The following ZEB2 variants were observed in gnomAD, a reference collection of about 807,000 sequenced individuals.
ZEB2 encodes zinc finger E-box binding homeobox 2, also known as zinc finger E-box-binding homeobox 2.
A neutral mutation model predicts 99.9 loss-of-function variants in ZEB2; 6 were observed. The ratio of observed to expected loss-of-function variants is 0.06; its 90% CI spans 0.03 to 0.12. The LOEUF is 0.12. Ranked by LOEUF, ZEB2 falls within the 10% of genes least tolerant of loss-of-function variation. ZEB2 has a pLI of 1.00. For missense variants in ZEB2, 969 were observed against 1,502.8 expected (o/e 0.64, Z 5.87); for synonymous variants, 517 against 542.5 (o/e 0.95, Z 0.65).
chr2:144,411,669 C>T (rs972904161), intron 4 of ZEB2, among the ~76,000 whole-genome samples: 2 of 152,328 alleles, frequency 1.3e-5, no homozygotes, highest in East Asian at 1.9e-4. Flanking sequence ...GTTTTCTGCT[C>T]TTCCTGGGAA....
At chr2:144,413,943 GTTC>G (rs1051450324) in intron 4 of ZEB2, among the ~76,000 whole-genome samples, 4 of 152,204 alleles carry the variant, frequency 2.6e-5, no homozygotes, top group African/African-American at 7.2e-5. Context: ...AGTAAAAAAA[GTTC>G]TTCTTTCCCC....
At chr2:144,397,577 C>T (rs1465823926) in intron 8 of ZEB2, among the ~76,000 whole-genome samples, 1 of 152,160 alleles carries the variant, frequency 6.6e-6, no homozygotes, top group East Asian at 1.9e-4. Flanking sequence ...ATAAACCATT[C>T]TCTGTAAAAC....
intron 5 of ZEB2, 35 bp from the exon 6 acceptor site, chr2:144,404,165 C>T: frequency 6.2e-7 from 1 of 1,609,810 alleles, no homozygotes; most frequent in Non-Finnish European, 8.5e-7. Flanking sequence ...GAGAAGCGGG[C>T]CAAAAGGTCA....
chr2:144,468,201 T>G (rs1349148374), intron 2 of ZEB2, among the ~76,000 whole-genome samples: 1 of 152,038 alleles, frequency 6.6e-6, no homozygotes, highest in Non-Finnish European at 1.5e-5. Flanking sequence ...AATGTATAGC[T>G]GCAGAAGAAG....
At chr2:144,487,797 G>A (rs750533158) in intron 2 of ZEB2, among the ~76,000 whole-genome samples, 6 of 152,140 alleles carry the variant, frequency 3.9e-5, no homozygotes, top group Non-Finnish European at 8.8e-5. Context: ...GATAATTACG[G>A]TAAAAAGTTA....
chr2:144,502,022 A>C (rs1384801408), intron 2 of ZEB2, among the ~76,000 whole-genome samples: 1 of 152,232 alleles, frequency 6.6e-6, no homozygotes, highest in East Asian at 1.9e-4. Context: ...ACATGGAGAA[A>C]AACTACCACT....
At chr2:144,413,757 A>G (rs1703497048) in intron 4 of ZEB2, among the ~76,000 whole-genome samples, 1 of 152,222 alleles carries the variant, frequency 6.6e-6, no homozygotes, top group African/African-American at 2.4e-5. Flanking sequence ...CTGATTTTGT[A>G]CAATTGATTA....
At chr2:144,470,985 C>T (rs1023167906) in intron 2 of ZEB2, among the ~76,000 whole-genome samples, 5 of 152,068 alleles carry the variant, frequency 3.3e-5, no homozygotes, top group African/African-American at 9.7e-5. Context: ...TCACATGTTT[C>T]GGTTCTAGGA....
At chr2:144,420,755 G>A (rs1703609043) in intron 4 of ZEB2, among the ~76,000 whole-genome samples, 1 of 152,058 alleles carries the variant, frequency 6.6e-6, no homozygotes, top group Non-Finnish European at 1.5e-5. Context: ...AGGAGCTGGG[G>A]GATTAGGGTC....
chr2:144,411,057 CTATATATATA>C (rs4008310), intron 4 of ZEB2, among the ~76,000 whole-genome samples: 625 of 40,784 alleles, frequency 0.015, 6 homozygotes, highest in South Asian at 0.038. Flanking sequence ...ACAGACATGT[CTATATATATA>C]TATATATATA....
At chr2:144,469,902 T>C (rs1704331955) in intron 2 of ZEB2, among the ~76,000 whole-genome samples, 1 of 152,188 alleles carries the variant, frequency 6.6e-6, no homozygotes, top group African/African-American at 2.4e-5. Context: ...AGTGTGGAAA[T>C]GAAGCTCTAA....
chr2:144,500,075 G>A (rs552870883), intron 2 of ZEB2, among the ~76,000 whole-genome samples: 2 of 152,304 alleles, frequency 1.3e-5, no homozygotes, highest in South Asian at 4.1e-4. Flanking sequence ...GAAGGCAATT[G>A]TGCATTTGCA....
intron 2 of ZEB2, chr2:144,463,930 G>T (rs1211877053): frequency 6.6e-6 from 1 of 152,020 alleles, no homozygotes; most frequent in African/African-American, 2.4e-5. Flanking sequence ...AGAAAGAAAA[G>T]AAAAAGTAAA....
intron 2 of ZEB2, among the ~76,000 whole-genome samples, chr2:144,473,142 A>T (rs1026667618): frequency 6.6e-6 from 1 of 152,202 alleles, no homozygotes; most frequent in Admixed American, 6.5e-5. Flanking sequence ...AAAGGGGTGG[A>T]TTCAGGAAAC....
chr2:144,489,344 G>A (rs1704644160), intron 2 of ZEB2, among the ~76,000 whole-genome samples: 1 of 152,028 alleles, frequency 6.6e-6, no homozygotes, highest in Non-Finnish European at 1.5e-5. Flanking sequence ...GTTTATTCAT[G>A]TTTCTTTTTC....
chr2:144,435,924 A>AC (rs1703831518), intron 2 of ZEB2, among the ~76,000 whole-genome samples: 1 of 147,234 alleles, frequency 6.8e-6, no homozygotes, highest in African/African-American at 2.5e-5. Flanking sequence ...TTTATCATTG[A>AC]CTTTTTTTTT....
intron 4 of ZEB2, among the ~76,000 whole-genome samples, chr2:144,420,035 C>T (rs1051646268): frequency 2.0e-5 from 3 of 152,174 alleles, no homozygotes; most frequent in African/African-American, 4.8e-5. Context: ...AGAATGTTTT[C>T]CCCTACTGTG....
chr2:144,513,526 T>C (rs1306284102), intron 2 of ZEB2: 1 of 1,529,546 alleles, frequency 6.5e-7, no homozygotes, highest in Admixed American at 2.0e-5. Flanking sequence ...CATTTCTTTC[T>C]CTGAAACAAG....
chr2:144,487,582 T>G (rs146776771), intron 2 of ZEB2, among the ~76,000 whole-genome samples: 1 of 152,230 alleles, frequency 6.6e-6, no homozygotes, highest in Non-Finnish European at 1.5e-5. Flanking sequence ...AGTTATCTAT[T>G]TAACTTTACA....
Sources: allele counts gnomAD v4.1 joint callset (sites outside exome capture counted in the v4.1 genomes callset), GRCh38; gene constraint gnomAD v4.1.1; transcripts MANE v1.5; gene names NCBI Gene and HGNC (gene_info 2026-07-23, HGNC 2026-07-21).